The following SESN3 variants were observed in gnomAD, a reference collection of about 807,000 sequenced individuals.
SESN3 encodes sestrin-3.
In SESN3, 21 loss-of-function variants were observed where a neutral mutation model predicts 55.3. The ratio of observed to expected loss-of-function variants is 0.38; its 90% CI spans 0.27 to 0.55. The LOEUF is 0.55. SESN3 is among the 20% of genes least tolerant of loss of function. The pLI is 0.76. For synonymous variants in SESN3, 181 were observed against 203.1 expected, an observed-to-expected ratio of 0.89 and a Z score of 0.93; for missense variants, 408 against 604.3, an observed-to-expected ratio of 0.68 and a Z score of 3.41.
At position 95,173,111 on chromosome 11, in the gene SESN3, CAAAAAACAAAAAAA is replaced by C. The variant is rs1859883055; in HGVS notation, c.*130_*143del. 2 of 473,116 alleles carry C rather than the reference CAAAAAACAAAAAAA, an allele frequency of 4.2e-6. No individual in the cohort carries two copies. Among genetic ancestry groups the C allele is most frequent in the South Asian group, 8.2e-5 (2 of 24,502 alleles). 29.3% of individuals were successfully genotyped at this position (473,116 alleles called of 1,614,324 possible). On this transcript the variant is annotated 3_prime_UTR_variant, in exon 10 of 10. Coordinates refer to ENST00000536441, the MANE Select transcript of SESN3 (RefSeq NM_144665.4). ...AACACATCATTGCACATTACAGCCG[CAAAAAACAAAAAAA>C]AAAAAACAAACGGCTAAACTTTGAC... is the stretch of plus-strand genomic sequence containing the variant.
chr11:95,178,703 A>G lies in SESN3; in HGVS notation c.1056+7T>C. 6.5e-7 allele frequency: 1 copy of G among 1,542,046 alleles called. No homozygotes were observed. The highest frequency in any genetic ancestry group is 1.1e-5 in the South Asian group (1 of 89,616). On this transcript the variant is annotated splice_region_variant and intron_variant, in intron 7 of 9. Coordinates refer to ENST00000536441, the MANE Select transcript of SESN3 (RefSeq NM_144665.4). ...TCTAGTTTCTCTGAATTAAAGACATATTATACCTGAGCTCGGAATGTTGGC... is the reference window on the plus strand; with the variant it reads ...TCTAGTTTCTCTGAATTAAAGACATGTTATACCTGAGCTCGGAATGTTGGC...
rs550549982 is a variant in SESN3 at position 95,213,428 on chromosome 11, A to G, written c.78+17355T>C. Among the ~76,000 whole-genome samples, 3 of 152,334 alleles carry G rather than the reference A, an allele frequency of 2.0e-5. No individual in the cohort carries two copies. The South Asian group carries it at 6.2e-4, about 32-fold the overall frequency. ...AGACAAAGTAAGATTACCGATGACA[A>G]TGTGGTCTTATTCTCTAGCTTCTAA... On this transcript the variant is annotated intron_variant, in intron 1 of 9. Coordinates refer to ENST00000536441, the MANE Select transcript of SESN3 (RefSeq NM_144665.4).
rs1261864179 is a variant in SESN3 at position 95,169,863 on chromosome 11, CATT to C, written c.*3389_*3391del. ...AGAAGCATTTAAGATCTTTAGGAGA[CATT>C]ATAACAACTAAATAGGAGCTCTGGT... On this transcript the variant is annotated 3_prime_UTR_variant, in exon 10 of 10. Coordinates refer to ENST00000536441, the MANE Select transcript of SESN3 (RefSeq NM_144665.4). The C allele has an allele frequency of 1.3e-5, 2 of 152,064 alleles. No homozygotes were observed. The highest frequency in any genetic ancestry group is 2.9e-5 in the Non-Finnish European group (2 of 67,996). 9.4% of individuals were successfully genotyped at this position (152,064 alleles called of 1,614,324 possible).
rs1043801939 is a variant in SESN3 at position 95,167,311 on chromosome 11, C to T, written c.*5944G>A. The T allele has an allele frequency of 2.6e-5, 4 of 152,028 alleles. No individual in the cohort carries two copies. Among genetic ancestry groups the T allele is most frequent in the Non-Finnish European group, 4.4e-5 (3 of 67,986 alleles). 9.4% of individuals were successfully genotyped at this position (152,028 alleles called of 1,614,324 possible). On this transcript the variant is annotated 3_prime_UTR_variant, in exon 10 of 10. Transcript: ENST00000536441. Reference sequence around the variant, plus strand: ...GACTGTTCTAGCAAAATTTACATAACAAAAATTCTATTCATCTTATTTAGA... The same window carrying T: ...GACTGTTCTAGCAAAATTTACATAATAAAAATTCTATTCATCTTATTTAGA...
At chr11:95,208,168 T>A (rs1246161659) in intron 1 of SESN3, among the ~76,000 whole-genome samples, 2 of 151,606 alleles carry the variant, frequency 1.3e-5, no homozygotes, top group Admixed American at 1.3e-4. Flanking sequence ...TTTTAAATAA[T>A]CTTTATATGA....
chr11:95,179,143 G>A (rs943241956), intron 6 of SESN3, among the ~76,000 whole-genome samples: 5 of 151,904 alleles, frequency 3.3e-5, no homozygotes, highest in Middle Eastern at 3.4e-3. Context: ...AGGCCTATAA[G>A]TATAAAGCTT....
At chr11:95,228,290 C>T (rs928842702) in intron 1 of SESN3, among the ~76,000 whole-genome samples, 2 of 152,190 alleles carry the variant, frequency 1.3e-5, no homozygotes, top group Non-Finnish European at 2.9e-5. Flanking sequence ...GAGAATAACA[C>T]TTTCTGTCCC....
At chr11:95,189,571 C>T (rs1860228750) in intron 4 of SESN3, among the ~76,000 whole-genome samples, 1 of 151,876 alleles carries the variant, frequency 6.6e-6, no homozygotes, top group South Asian at 2.1e-4. Context: ...CAAATTTTCT[C>T]ATAGCCATTC....
At chr11:95,228,991 C>T (rs1860998612) in intron 1 of SESN3, among the ~76,000 whole-genome samples, 1 of 152,120 alleles carries the variant, frequency 6.6e-6, no homozygotes, top group Admixed American at 6.5e-5. Context: ...ATTTTGAAGC[C>T]TAATATTACC....
At chr11:95,220,443 GA>G (rs202164700) in intron 1 of SESN3, among the ~76,000 whole-genome samples, 7 of 149,904 alleles carry the variant, frequency 4.7e-5, no homozygotes, top group African/African-American at 1.5e-4. Flanking sequence ...GGTAAGTTAG[GA>G]AAAAAAAATC....
intron 1 of SESN3, among the ~76,000 whole-genome samples, chr11:95,213,919 GTCC>G (rs1860704966): frequency 6.6e-6 from 1 of 151,790 alleles, no homozygotes. Context: ...CAAATAAAAA[GTCC>G]TATGTAAAAA....
At position 95,169,673 on chromosome 11, in the gene SESN3, C is replaced by A. The variant is rs916312048; in HGVS notation, c.*3582G>T. The A allele has an allele frequency of 3.3e-5, 5 of 152,072 alleles. No homozygotes were observed. The highest frequency in any genetic ancestry group is 1.2e-4 in the African/African-American group (5 of 41,404). 9.4% of individuals were successfully genotyped at this position (152,072 alleles called of 1,614,324 possible). A position where few individuals can be genotyped will look rare whatever the true frequency, so the allele number is the denominator to read the frequency against. On this transcript the variant is annotated 3_prime_UTR_variant, in exon 10 of 10. Transcript: ENST00000536441. ...CAAAAGAATCTTACCATCATATAGG[C>A]ATGCACCCTCCCTCCACTAAAAATG... is the stretch of plus-strand genomic sequence containing the variant.
rs1859786362 is a variant in SESN3 at position 95,168,271 on chromosome 11, C to T, written c.*4984G>A. ...ATTCTGGATTGCTGGAGAATTTTAA[C>T]TTTACATTCAAATAGCTTGGACTAA... On this transcript the variant is annotated 3_prime_UTR_variant, in exon 10 of 10. Coordinates refer to ENST00000536441, the MANE Select transcript of SESN3 (RefSeq NM_144665.4). 6.6e-6 allele frequency: 1 copy of T among 152,170 alleles called. No individual in the cohort carries two copies. Among genetic ancestry groups the T allele is most frequent in the South Asian group, 2.1e-4 (1 of 4,832 alleles). The allele number at this position is 152,170 out of a possible 1,614,324, so 9.4% of individuals were successfully genotyped here.
intron 1 of SESN3, among the ~76,000 whole-genome samples, chr11:95,202,885 C>A (rs1032852146): frequency 2.6e-5 from 4 of 152,006 alleles, no homozygotes; most frequent in Non-Finnish European, 4.4e-5. Context: ...AACAATAAAA[C>A]TTCACCTTGA....
chr11:95,177,943 G>T lies in SESN3; in HGVS notation c.1057-34C>A, dbSNP rs779991744. 11 of 1,395,640 alleles carry T rather than the reference G, an allele frequency of 7.9e-6. No individual in the cohort carries two copies. The East Asian group carries it at 2.8e-4, about 35-fold the overall frequency. 86.5% of individuals were successfully genotyped at this position (1,395,640 alleles called of 1,614,324 possible). ...ATAAAATGTATTTAATTACAAAGTG[G>T]GCATTTTCCATCTAAATTCTATGTA... On this transcript the variant is annotated intron_variant, in intron 7 of 9. Transcript: ENST00000536441.
intron 1 of SESN3, chr11:95,204,772 G>T (rs1253832337): frequency 6.6e-6 from 1 of 152,156 alleles, no homozygotes; most frequent in Non-Finnish European, 1.5e-5. Context: ...AATATTCATT[G>T]TTTCTGCCAC....
In SESN3 at chr11:95,167,736, C is replaced by G. The variant is rs1859777309; in HGVS notation, c.*5519G>C. 1.3e-5 allele frequency: 2 copies of G among 152,142 alleles called. No homozygotes were observed. The highest frequency in any genetic ancestry group is 2.9e-5 in the Non-Finnish European group (2 of 68,018). The allele number at this position is 152,142 out of a possible 1,614,324, so 9.4% of individuals were successfully genotyped here. On this transcript the variant is annotated 3_prime_UTR_variant, in exon 10 of 10. Transcript: ENST00000536441. ...AAGAAATAATAATAATCTATACTTT[C>G]AAATGGGATGGTTCATCAGGTCAGA...
At chr11:95,178,922 C>A in intron 6 of SESN3, 94 bp from the exon 7 acceptor site, 1 of 670,506 alleles carries the variant, frequency 1.5e-6, no homozygotes, top group Non-Finnish European at 2.6e-6. Flanking sequence ...TTTAGCTTTT[C>A]CATGGATTTC....
Position 95,207,164 on chromosome 11 carries a change from CCAAATCAAA to C in SESN3, c.79-13651_79-13643del, listed in dbSNP as rs1346430251. ...CATTCTAAGTTTAAAACACTTACTT[CCAAATCAAA>C]GAAATCAACCAACCAATCAGTATGT... On this transcript the variant is annotated intron_variant, in intron 1 of 9. Transcript: ENST00000536441. Among the ~76,000 whole-genome samples, 3 of 139,568 alleles carry C rather than the reference CCAAATCAAA, an allele frequency of 2.1e-5. No homozygotes were observed. The East Asian group carries it at 6.1e-4, about 28-fold the overall frequency. 91.6% of individuals were successfully genotyped at this position (139,568 alleles called of 152,430 possible). A position where few individuals can be genotyped will look rare whatever the true frequency, so the allele number is the denominator to read the frequency against.
Sources: allele counts gnomAD v4.1 joint callset (sites outside exome capture counted in the v4.1 genomes callset), GRCh38; gene constraint gnomAD v4.1.1; transcripts MANE v1.5; gene names NCBI Gene and HGNC (gene_info 2026-07-23, HGNC 2026-07-21).